SBF2: variants seen among roughly 807,000 people sequenced by gnomAD.
The protein encoded by SBF2 is SET binding factor 2, also known as myotubularin-related protein 13.
SBF2 carries 112 observed loss-of-function variants against 225.2 expected under a neutral mutation model. The ratio of observed to expected loss-of-function variants is 0.50; its 90% CI spans 0.43 to 0.58. The LOEUF (loss-of-function observed/expected upper bound fraction) is 0.58. SBF2 is among the 20% of genes least tolerant of loss of function. The pLI, the probability that SBF2 is intolerant of heterozygous loss-of-function variation, is 0.00. For synonymous variants in SBF2, 763 were observed against 773.3 expected, an observed-to-expected ratio of 0.99 and a Z score of 0.22; for missense variants, 1,996 against 2,206.2, an observed-to-expected ratio of 0.90 and a Z score of 1.91.
chr11:9,911,811 C>A (rs1381337986), intron 16 of SBF2, among the ~76,000 whole-genome samples: 1 of 151,642 alleles, frequency 6.6e-6, no homozygotes, highest in Non-Finnish European at 1.5e-5. Flanking sequence ...CAAATACTTA[C>A]CATTGTGTTA....
intron 2 of SBF2, among the ~76,000 whole-genome samples, chr11:10,185,066 CAT>C (rs984176474): frequency 1.3e-5 from 2 of 151,830 alleles, no homozygotes; most frequent in South Asian, 2.1e-4. Context: ...CATGTTGTAA[CAT>C]GTGTCAGAAT....
intron 2 of SBF2, among the ~76,000 whole-genome samples, chr11:10,055,201 C>G (rs759580688): frequency 6.6e-6 from 1 of 152,026 alleles, no homozygotes; most frequent in Non-Finnish European, 1.5e-5. Flanking sequence ...CAAGCCCGGT[C>G]AGAATGGCTA....
chr11:10,264,511 T>A (rs934999697), intron 1 of SBF2, among the ~76,000 whole-genome samples: 1 of 152,174 alleles, frequency 6.6e-6, no homozygotes, highest in Non-Finnish European at 1.5e-5. Context: ...ATGTGCCAGG[T>A]ATTTTGCCAG....
At chr11:10,045,501 T>C (rs1004249488) in intron 2 of SBF2, among the ~76,000 whole-genome samples, 2 of 152,208 alleles carry the variant, frequency 1.3e-5, no homozygotes, top group African/African-American at 2.4e-5. Flanking sequence ...TAGGAATAGA[T>C]TGAAATAGAG....
intron 2 of SBF2, among the ~76,000 whole-genome samples, chr11:10,144,691 G>C (rs577058051): frequency 6.6e-6 from 1 of 152,148 alleles, no homozygotes; most frequent in African/African-American, 2.4e-5. Context: ...GTAAAAGAAA[G>C]CGAGAAAGTT....
At position 9,839,577 on chromosome 11, in the gene SBF2, T is replaced by C. The variant is rs747669195; in HGVS notation, c.3376A>G (p.Ile1126Val). 9 of 1,614,200 alleles carry C rather than the reference T, an allele frequency of 5.6e-6. No individual in the cohort carries two copies. The highest frequency in any genetic ancestry group is 2.2e-5 in the East Asian group (1 of 44,884). ...CTTGAACGGGAAGAGCTGCCACTTA[T>C]GGTTCCTAAACCTAAACGCTGATAG... ...RDYQRLGLGTISGSSSRSRPE... is the reference protein window; with the variant it reads ...RDYQRLGLGTVSGSSSRSRPE... The change falls in exon 26 of 40, where the codon ATA (isoleucine) becomes GTA (valine). Residue 1126 changes from isoleucine to valine, a missense_variant. Coordinates refer to ENST00000256190, the MANE Select transcript of SBF2 (RefSeq NM_030962.4).
intron 16 of SBF2, among the ~76,000 whole-genome samples, chr11:9,934,299 A>C (rs1185643919): frequency 6.6e-6 from 1 of 152,214 alleles, no homozygotes; most frequent in Admixed American, 6.5e-5. Context: ...CAGGCTCTGA[A>C]ATTGAGGCAA....
At chr11:9,918,029 G>A (rs1863253072) in intron 16 of SBF2, among the ~76,000 whole-genome samples, 1 of 151,350 alleles carries the variant, frequency 6.6e-6, no homozygotes, top group South Asian at 2.1e-4. Flanking sequence ...TGCCTGCAAA[G>A]TGACCTTCTT....
intron 2 of SBF2, among the ~76,000 whole-genome samples, chr11:10,150,830 A>T (rs1955142738): frequency 6.6e-6 from 1 of 152,138 alleles, no homozygotes; most frequent in Admixed American, 6.5e-5. Context: ...AGTCTATATA[A>T]AAAGGTCAAC....
chr11:10,271,165 A>G (rs2135536791), intron 1 of SBF2, among the ~76,000 whole-genome samples: 1 of 152,014 alleles, frequency 6.6e-6, no homozygotes, highest in Admixed American at 6.5e-5. Flanking sequence ...AGGGAGTAGC[A>G]ATTGCAAAAC....
At chr11:10,226,638 G>T (rs1958570916) in intron 1 of SBF2, among the ~76,000 whole-genome samples, 1 of 152,136 alleles carries the variant, frequency 6.6e-6, no homozygotes. Flanking sequence ...CTTCATCCAT[G>T]TCCCTACAAA....
chr11:9,845,843 T>G, intron 23 of SBF2, 103 bp from the exon 24 acceptor site: 4 of 1,032,820 alleles, frequency 3.9e-6, no homozygotes, highest in Non-Finnish European at 6.1e-6. Flanking sequence ...AGACTGGAGG[T>G]CAAAGGGACT....
chr11:9,971,668 G>C (rs1373609351), intron 13 of SBF2, among the ~76,000 whole-genome samples: 2 of 152,094 alleles, frequency 1.3e-5, no homozygotes, highest in Admixed American at 6.6e-5. Flanking sequence ...GACAGAGTGA[G>C]ACCTTGTCTC....
At chr11:9,782,222 G>C (rs1852060280) in intron 38 of SBF2, among the ~76,000 whole-genome samples, 1 of 149,900 alleles carries the variant, frequency 6.7e-6, no homozygotes, top group Admixed American at 6.6e-5. Flanking sequence ...ACTGTAAAAA[G>C]TATATGTAAC....
Position 9,784,311 on chromosome 11 carries a change from C to G in SBF2, c.5319+40G>C, listed in dbSNP as rs746667745. On this transcript the variant is annotated intron_variant, in intron 38 of 39. Transcript: ENST00000256190. ...CATAATAGCCAGGGACTGGGACTAGCCTAGACAGAAGTAATTTCTTTTGGC... is the reference window on the plus strand; with the variant it reads ...CATAATAGCCAGGGACTGGGACTAGGCTAGACAGAAGTAATTTCTTTTGGC... 6 of 1,453,114 alleles carry G rather than the reference C, an allele frequency of 4.1e-6. No homozygotes were observed. The East Asian group carries it at 1.4e-4, about 33-fold the overall frequency. 90.0% of individuals were successfully genotyped at this position (1,453,114 alleles called of 1,614,324 possible).
intron 2 of SBF2, among the ~76,000 whole-genome samples, chr11:10,076,381 T>G (rs1283768887): frequency 6.6e-6 from 1 of 152,144 alleles, no homozygotes; most frequent in South Asian, 2.1e-4. Context: ...AGACACTGGT[T>G]TGGAGAATCT....
intron 1 of SBF2, among the ~76,000 whole-genome samples, chr11:10,227,995 C>G (rs1003822876): frequency 6.6e-6 from 1 of 150,886 alleles, no homozygotes; most frequent in Non-Finnish European, 1.5e-5. Context: ...CTTTTATTTC[C>G]TTGAGCAGTG....
chr11:9,845,037 T>A (rs1026360402), intron 24 of SBF2, among the ~76,000 whole-genome samples: 8 of 152,070 alleles, frequency 5.3e-5, no homozygotes, highest in Non-Finnish European at 1.2e-4. Flanking sequence ...TCAAAAAAAA[T>A]ATGTGTATAT....
chr11:9,854,573 T>C (rs901295764), intron 19 of SBF2, among the ~76,000 whole-genome samples: 3 of 152,146 alleles, frequency 2.0e-5, no homozygotes, highest in African/African-American at 7.2e-5. Context: ...ATAATGATTA[T>C]TATTTGTTTA....
Sources: allele counts gnomAD v4.1 joint callset (sites outside exome capture counted in the v4.1 genomes callset), GRCh38; gene constraint gnomAD v4.1.1; transcripts MANE v1.5; gene names NCBI Gene and HGNC (gene_info 2026-07-23, HGNC 2026-07-21).